CTNNA2: variants seen among roughly 807,000 people sequenced by gnomAD.
CTNNA2 encodes the protein catenin alpha 2, also known as catenin alpha-2.
In CTNNA2, 42 loss-of-function variants were observed where a neutral mutation model predicts 101.0. That is an observed-to-expected ratio of 0.42 (90% CI 0.32 to 0.54). The LOEUF (loss-of-function observed/expected upper bound fraction) is 0.54. Among genes scored for constraint, CTNNA2 ranks in the 20% least tolerant of loss-of-function variants. The pLI is 0.14. For missense variants in CTNNA2, 871 were observed against 1,223.1 expected (o/e 0.71, Z 4.29); for synonymous variants, 450 against 456.4 (o/e 0.99, Z 0.18).
intron 7 of CTNNA2, among the ~76,000 whole-genome samples, chr2:80,326,642 AT>A (rs76980734): frequency 2.6e-5 from 4 of 151,902 alleles, no homozygotes; most frequent in South Asian, 4.2e-4. Context: ...AATAGTTCTA[AT>A]TTTTTTTTAA....
chr2:80,213,998 TG>T (rs1708084617), intron 7 of CTNNA2, among the ~76,000 whole-genome samples: 1 of 152,198 alleles, frequency 6.6e-6, no homozygotes, highest in African/African-American at 2.4e-5. Context: ...TGATCTTTGT[TG>T]GTTTAAAGTC....
chr2:79,606,769 G>A (rs1677922633), intron 1 of CTNNA2, among the ~76,000 whole-genome samples: 2 of 152,116 alleles, frequency 1.3e-5, no homozygotes. Context: ...AAATTTGAAA[G>A]TAGTTGTTAA....
At chr2:80,394,113 A>C (rs1348217452) in intron 8 of CTNNA2, among the ~76,000 whole-genome samples, 2 of 152,222 alleles carry the variant, frequency 1.3e-5, no homozygotes, top group Non-Finnish European at 2.9e-5. Context: ...TGACTGTGAC[A>C]GCCAGCTAAA....
At position 79,874,359 on chromosome 2, in the gene CTNNA2, G is replaced by A. The variant is rs374854738; in HGVS notation, c.852+17G>A. 1.9e-6 allele frequency: 3 copies of A among 1,610,192 alleles called. No homozygotes were observed. In the African/African-American group the frequency reaches 4.0e-5, roughly 22 times the overall value. ...GAGTTTGACGTAAGCATCCTGGTGA[G>A]GTACACAGAGGGGTGGGCACTGGTG... On this transcript the variant is annotated intron_variant, in intron 6 of 18. Coordinates refer to ENST00000402739, the MANE Select transcript of CTNNA2 (RefSeq NM_001282597.3).
At position 79,380,660 on chromosome 2, in the gene CTNNA2, C is replaced by G. The variant is rs138488142; in HGVS notation, c.-135+6647C>G. 3.3e-5 allele frequency among the ~76,000 whole-genome samples: 5 copies of G among 152,208 alleles called. No individual in the cohort carries two copies. The East Asian group carries it at 9.7e-4, about 29-fold the overall frequency. On this transcript the variant is annotated intron_variant, in intron 4 of 21. Transcript: ENST00000466387. The stretch of plus-strand genomic sequence containing the variant: ...AGCAGGATTTTAGAGACCTGCAACA[C>G]CTGGATGATTGCAATTAGATGTGGC...
chr2:80,484,969 G>A (rs1454564948), intron 9 of CTNNA2, among the ~76,000 whole-genome samples: 11 of 152,106 alleles, frequency 7.2e-5, no homozygotes, highest in Admixed American at 6.5e-4. Flanking sequence ...CTGTGCCACT[G>A]CATTCCAGCC....
chr2:80,408,352 T>G (rs1311936958), intron 8 of CTNNA2, among the ~76,000 whole-genome samples: 9 of 152,206 alleles, frequency 5.9e-5, no homozygotes, highest in African/African-American at 1.9e-4. Context: ...TAATAGTTTT[T>G]GAGAGCTCGT....
In CTNNA2 at chr2:80,596,279, G is replaced by GTTTTTTTTTTTTTTTTTTTTTTTTTTT. The variant is rs60132060; in HGVS notation, c.2189+6816_2189+6842dup. The stretch of plus-strand genomic sequence containing the variant: ...AGTTTTTTTGGGCTGAGACAAGGTT[G>GTTTTTTTTTTTTTTTTTTTTTTTTTTT]TTTTTTTTTTTTTTTTTTTTTTTTT... On this transcript the variant is annotated intron_variant, in intron 15 of 18. Coordinates refer to ENST00000402739, the MANE Select transcript of CTNNA2 (RefSeq NM_001282597.3). Among the ~76,000 whole-genome samples the GTTTTTTTTTTTTTTTTTTTTTTTTTTT allele has an allele frequency of 8.5e-5, 3 of 35,282 alleles. 1 individual carries two copies. The highest frequency in any genetic ancestry group is 4.3e-4 in the Admixed American group (1 of 2,316). The allele number at this position is 35,282 out of a possible 152,430, so 23.1% of individuals were successfully genotyped here.
intron 4 of CTNNA2, among the ~76,000 whole-genome samples, chr2:79,401,671 A>C (rs1678291464): frequency 6.6e-6 from 1 of 151,564 alleles, no homozygotes; most frequent in Non-Finnish European, 1.5e-5. Flanking sequence ...CAGAAAACAA[A>C]CCAGTAATGA....
In CTNNA2 at chr2:79,398,269, T is replaced by A. The variant is rs527370755; in HGVS notation, c.-135+24256T>A. On this transcript the variant is annotated intron_variant, in intron 4 of 21. Transcript: ENST00000466387. Reference sequence around the variant, plus strand: ...ACGAGCTGTAGTAAACTATGATTTGTCTGTATGCCTTTTCCTAGCAATAAC... The same window carrying A: ...ACGAGCTGTAGTAAACTATGATTTGACTGTATGCCTTTTCCTAGCAATAAC... 5.9e-5 allele frequency among the ~76,000 whole-genome samples: 9 copies of A among 152,270 alleles called. No homozygotes were observed. In the South Asian group the frequency reaches 1.9e-3, roughly 32 times the overall value.
chr2:79,887,372 T>C (rs2104176072), intron 6 of CTNNA2, among the ~76,000 whole-genome samples: 2 of 152,334 alleles, frequency 1.3e-5, no homozygotes, highest in South Asian at 4.1e-4. Context: ...ATGTAAGCTT[T>C]AGCTAATTAA....
chr2:80,059,809 G>A (rs1297266912), intron 7 of CTNNA2, among the ~76,000 whole-genome samples: 1 of 152,114 alleles, frequency 6.6e-6, no homozygotes, highest in Non-Finnish European at 1.5e-5. Context: ...TAAACAATGG[G>A]GATTTCTGGC....
chr2:79,283,051 G>A (rs1378538701), intron 2 of CTNNA2, among the ~76,000 whole-genome samples: 2 of 82,780 alleles, frequency 2.4e-5, no homozygotes, highest in Non-Finnish European at 6.0e-5. Context: ...CTGCATAAAT[G>A]TCTTCTTTTG....
chr2:80,026,327 T>C (rs1694921938), intron 7 of CTNNA2, among the ~76,000 whole-genome samples: 1 of 152,200 alleles, frequency 6.6e-6, no homozygotes. Context: ...ATAACAAGCA[T>C]TCATCGATCC....
chr2:79,474,631 T>C (rs1323644323), intron 4 of CTNNA2, among the ~76,000 whole-genome samples: 1 of 152,180 alleles, frequency 6.6e-6, no homozygotes, highest in African/African-American at 2.4e-5. Flanking sequence ...GAGTAATCAT[T>C]ATATTTTAAT....
intron 2 of CTNNA2, among the ~76,000 whole-genome samples, chr2:79,299,628 G>T (rs1409463555): frequency 1.3e-5 from 2 of 152,188 alleles, no homozygotes; most frequent in Non-Finnish European, 2.9e-5. Flanking sequence ...TATGAGGTGT[G>T]TAGGGAAGAA....
intron 3 of CTNNA2, among the ~76,000 whole-genome samples, chr2:79,821,716 T>G (rs1288485005): frequency 6.6e-6 from 1 of 152,200 alleles, no homozygotes; most frequent in Non-Finnish European, 1.5e-5. Flanking sequence ...ATTTAGTTTT[T>G]GAAATAACAG....
intron 7 of CTNNA2, among the ~76,000 whole-genome samples, chr2:80,391,928 C>T (rs1018242720): frequency 6.6e-6 from 1 of 152,156 alleles, no homozygotes; most frequent in African/African-American, 2.4e-5. Flanking sequence ...TTTTAGAAGA[C>T]TAAAAATATA....
intron 9 of CTNNA2, among the ~76,000 whole-genome samples, chr2:80,534,301 G>C (rs956221381): frequency 1.3e-5 from 2 of 152,144 alleles, no homozygotes; most frequent in African/African-American, 4.8e-5. Flanking sequence ...GCAGGATGTT[G>C]TATAAGGTTC....
Sources: allele counts gnomAD v4.1 joint callset (sites outside exome capture counted in the v4.1 genomes callset), GRCh38; gene constraint gnomAD v4.1.1; transcripts MANE v1.5; gene names NCBI Gene and HGNC (gene_info 2026-07-23, HGNC 2026-07-21).